UVRAG: variants seen among roughly 807,000 people sequenced by gnomAD.
UVRAG encodes UV radiation resistance-associated gene protein.
A neutral mutation model predicts 78.0 loss-of-function variants in UVRAG; 19 were observed. The observed-to-expected ratio is 0.24, with a 90% CI of 0.17 to 0.36. The LOEUF (loss-of-function observed/expected upper bound fraction) is 0.36, where lower values mean the gene tolerates loss of function less well. UVRAG is among the 10% of genes least tolerant of loss of function. UVRAG has a pLI of 1.00. For synonymous variants in UVRAG, 323 were observed against 324.6 expected, an observed-to-expected ratio of 1.00 and a Z score of 0.05; for missense variants, 740 against 853.8, an observed-to-expected ratio of 0.87 and a Z score of 1.66.
chr11:75,974,802 A>T lies in UVRAG; in HGVS notation c.700-8585A>T, dbSNP rs568971336. On this transcript the variant is annotated intron_variant, in intron 7 of 14. Transcript: ENST00000356136. ...GCCCTTTGTCAGATGAGTAGATTGC[A>T]AAAATTTTCTCCCATTCTGTAGGTT... is the stretch of plus-strand genomic sequence containing the variant. Among the ~76,000 whole-genome samples the T allele has an allele frequency of 1.0e-3, 157 of 152,274 alleles. 2 individuals carry two copies. Among genetic ancestry groups the T allele is most frequent in the African/African-American group, 3.7e-3 (155 of 41,564 alleles).
rs539764714 is a variant in UVRAG at position 76,126,088 on chromosome 11, C to T, written c.1397+10073C>T. On this transcript the variant is annotated intron_variant, in intron 14 of 14. Coordinates refer to ENST00000356136, the MANE Select transcript of UVRAG (RefSeq NM_003369.4). The stretch of plus-strand genomic sequence containing the variant: ...CCTCAGCCTCCCGGGCAGCTGGGAC[C>T]ACAGGCGCATGCCACCTCACCCGGC... Among the ~76,000 whole-genome samples the T allele has an allele frequency of 7.7e-4, 116 of 151,442 alleles. 1 individual carries two copies. Among genetic ancestry groups the T allele is most frequent in the Non-Finnish European group, 1.3e-3 (90 of 67,976 alleles).
chr11:76,137,531 A>G lies in UVRAG; in HGVS notation c.1398-3180A>G, dbSNP rs545353855. The G allele has an allele frequency of 6.0e-5, 27 of 453,566 alleles. 1 individual carries two copies. Among genetic ancestry groups the G allele is most frequent in the Non-Finnish European group, 1.1e-4 (26 of 226,108 alleles). The allele number at this position is 453,566 out of a possible 1,614,324, so 28.1% of individuals were successfully genotyped here. A position where few individuals can be genotyped will look rare whatever the true frequency, so the allele number is the denominator to read the frequency against. On this transcript the variant is annotated intron_variant, in intron 14 of 14. Coordinates refer to ENST00000356136, the MANE Select transcript of UVRAG (RefSeq NM_003369.4). ...AATGGAGGGAAAAAATGTGGTGATA[A>G]AAAGGTAAACCTTAGATATGTAGAC... is the stretch of plus-strand genomic sequence containing the variant.
At chr11:76,005,819 C>G (rs1452554214) in intron 9 of UVRAG, among the ~76,000 whole-genome samples, 2 of 152,218 alleles carry the variant, frequency 1.3e-5, no homozygotes, top group Non-Finnish European at 2.9e-5. Flanking sequence ...ATTTACTTAA[C>G]CCTTACTGGT....
intron 13 of UVRAG, among the ~76,000 whole-genome samples, chr11:76,090,851 G>A (rs895309663): frequency 6.6e-6 from 1 of 152,012 alleles, no homozygotes; most frequent in African/African-American, 2.4e-5. Flanking sequence ...TTCATCTTTG[G>A]GAGAAATCTC....
Position 75,959,434 on chromosome 11 carries a change from A to T in UVRAG, c.594-2010A>T, listed in dbSNP as rs529736549. 2.0e-5 allele frequency among the ~76,000 whole-genome samples: 3 copies of T among 152,108 alleles called. No individual in the cohort carries two copies. In the South Asian group the frequency reaches 6.3e-4, roughly 32 times the overall value. On this transcript the variant is annotated intron_variant, in intron 6 of 14. Transcript: ENST00000356136. The stretch of plus-strand genomic sequence containing the variant: ...TTCTAGAGGTGGCTTCTTTCCTTAA[A>T]CCTCATAAACCAATCTCTGCTGTCT...
chr11:75,851,509 A>G (rs975854109), intron 1 of UVRAG, among the ~76,000 whole-genome samples: 2 of 152,226 alleles, frequency 1.3e-5, no homozygotes, highest in African/African-American at 4.8e-5. Flanking sequence ...ATCTGTTGGT[A>G]TGAGATGGAT....
chr11:75,954,643 A>G (rs323636), intron 6 of UVRAG, among the ~76,000 whole-genome samples: 148,906 of 152,350 alleles, frequency 0.98, 72,819 homozygotes, highest in Middle Eastern at 1. Context: ...ATGTTCAGAC[A>G]TTAGGCATTA....
chr11:76,076,481 A>G (rs951549338), intron 13 of UVRAG, among the ~76,000 whole-genome samples: 11 of 152,152 alleles, frequency 7.2e-5, no homozygotes, highest in Non-Finnish European at 1.5e-5. Context: ...CAGCACAGGA[A>G]AGACCTGCTC....
intron 13 of UVRAG, among the ~76,000 whole-genome samples, chr11:76,078,812 C>T (rs1951446876): frequency 6.6e-6 from 1 of 151,142 alleles, no homozygotes; most frequent in African/African-American, 2.4e-5. Context: ...ACCTGTAGTC[C>T]CAGCTACTCA....
chr11:75,930,982 T>TCTTTCTTTCTTTCTTC (rs1484646977), intron 6 of UVRAG: 1 of 151,662 alleles, frequency 6.6e-6, no homozygotes, highest in South Asian at 2.1e-4. Flanking sequence ...TTTCTTTCTT[T>TCTTTCTTTCTTTCTTC]CTTTCCATTT....
intron 4 of UVRAG, among the ~76,000 whole-genome samples, chr11:75,885,112 A>G (rs945341824): frequency 3.9e-5 from 6 of 151,940 alleles, no homozygotes; most frequent in Non-Finnish European, 7.4e-5. Flanking sequence ...TTTAAATGGT[A>G]TTTCTTTTTT....
At chr11:75,961,608 T>G in intron 7 of UVRAG, 59 bp downstream of exon 7, 1 of 1,354,120 alleles carries the variant, frequency 7.4e-7, no homozygotes, top group Non-Finnish European at 1.0e-6. Context: ...GAGTATCATA[T>G]TCTTCTAGGG....
chr11:75,990,474 AC>A (rs1949583556), intron 8 of UVRAG, among the ~76,000 whole-genome samples: 1 of 152,144 alleles, frequency 6.6e-6, no homozygotes, highest in Non-Finnish European at 1.5e-5. Context: ...TAGGAGCAAA[AC>A]ACCATCTGTT....
At position 75,924,791 on chromosome 11, in the gene UVRAG, C is replaced by A. The variant is rs990144058; in HGVS notation, c.593+12752C>A. 2.0e-5 allele frequency among the ~76,000 whole-genome samples: 3 copies of A among 152,062 alleles called. No homozygotes were observed. The East Asian group carries it at 5.8e-4, about 29-fold the overall frequency. On this transcript the variant is annotated intron_variant, in intron 6 of 14. Coordinates refer to ENST00000356136, the MANE Select transcript of UVRAG (RefSeq NM_003369.4). ...GTCTTTAACTAGGACCTCTTATAGGCAATTATGCTACTAAGTTCATTTTCT... is the reference window on the plus strand; with the variant it reads ...GTCTTTAACTAGGACCTCTTATAGGAAATTATGCTACTAAGTTCATTTTCT...
intron 12 of UVRAG, among the ~76,000 whole-genome samples, chr11:76,042,406 G>C (rs1353008356): frequency 6.6e-6 from 1 of 152,190 alleles, no homozygotes; most frequent in African/African-American, 2.4e-5. Context: ...AGTGGCTTGT[G>C]GAGAGAAGAT....
At chr11:75,892,841 G>A (rs541014034) in intron 5 of UVRAG, among the ~76,000 whole-genome samples, 13 of 152,120 alleles carry the variant, frequency 8.5e-5, no homozygotes, top group Admixed American at 1.3e-4. Flanking sequence ...ACCTTCCTCA[G>A]CACCAAGCAA....
chr11:75,926,762 G>T (rs1251711149), intron 6 of UVRAG, among the ~76,000 whole-genome samples: 4 of 151,990 alleles, frequency 2.6e-5, no homozygotes, highest in African/African-American at 9.7e-5. Flanking sequence ...AAGCAGTCAT[G>T]TAAAGACTAG....
intron 12 of UVRAG, among the ~76,000 whole-genome samples, chr11:76,061,101 T>C (rs1951080170): frequency 6.6e-6 from 1 of 152,200 alleles, no homozygotes; most frequent in African/African-American, 2.4e-5. Flanking sequence ...GCACTCTGTA[T>C]CTAGCTCAAG....
intron 12 of UVRAG, among the ~76,000 whole-genome samples, chr11:76,025,251 C>A (rs1950307981): frequency 6.6e-6 from 1 of 152,146 alleles, no homozygotes; most frequent in East Asian, 1.9e-4. Context: ...CCCCCCACTT[C>A]TTTCACTGAG....
Sources: allele counts gnomAD v4.1 joint callset (sites outside exome capture counted in the v4.1 genomes callset), GRCh38; gene constraint gnomAD v4.1.1; transcripts MANE v1.5; gene names NCBI Gene and HGNC (gene_info 2026-07-23, HGNC 2026-07-21).